GABRR1: variants seen among roughly 807,000 people sequenced by gnomAD.
GABRR1 encodes the protein gamma-aminobutyric acid type A receptor subunit rho1.
A neutral mutation model predicts 55.5 loss-of-function variants in GABRR1; 59 were observed. That is an observed-to-expected ratio of 1.06 (90% CI 0.86 to 1.32). GABRR1 has a LOEUF of 1.32. Among genes scored for constraint, GABRR1 ranks in the 40% most tolerant of loss-of-function variants. The pLI is 0.00. For missense variants in GABRR1, 602 were observed against 619.1 expected (o/e 0.97, Z 0.29); for synonymous variants, 213 against 226.0 (o/e 0.94, Z 0.51).
chr6:89,194,080 A>T (rs1035554298), intron 5 of GABRR1, among the ~76,000 whole-genome samples: 1 of 152,198 alleles, frequency 6.6e-6, no homozygotes, highest in East Asian at 1.9e-4. Context: ...GATTGCCTGA[A>T]GGGAGAAATA....
At chr6:89,216,801 T>G (rs1772994445) in intron 1 of GABRR1, among the ~76,000 whole-genome samples, 1 of 152,188 alleles carries the variant, frequency 6.6e-6, no homozygotes, top group Admixed American at 6.5e-5. Flanking sequence ...CAGAAATAAT[T>G]AGAGCAGAAT....
intron 1 of GABRR1, among the ~76,000 whole-genome samples, chr6:89,215,600 CAT>C (rs200783581): frequency 1.3e-5 from 2 of 152,090 alleles, no homozygotes; most frequent in East Asian, 3.9e-4. Flanking sequence ...TTTTTTGAGA[CAT>C]ATTGCACAGC....
At position 89,178,686 on chromosome 6, in the gene GABRR1, C is replaced by A. The variant is rs75384555; in HGVS notation, c.*84G>T. The A allele has an allele frequency of 4.5e-3, 5,622 of 1,248,004 alleles. 89 individuals carry two copies. In the East Asian group the frequency reaches 0.045, roughly 10 times the overall value. The allele number at this position is 1,248,004 out of a possible 1,614,324, so 77.3% of individuals were successfully genotyped here. A position where few individuals can be genotyped will look rare whatever the true frequency, so the allele number is the denominator to read the frequency against. ...GGTGGGTCCTGGGATTTTTTTTTAA[C>A]CATATCCTTAAATACTTTTTCATTA... On this transcript the variant is annotated 3_prime_UTR_variant, in exon 10 of 10. Coordinates refer to ENST00000454853, the MANE Select transcript of GABRR1 (RefSeq NM_002042.5).
At chr6:89,202,322 C>T (rs1026100137) in intron 2 of GABRR1, among the ~76,000 whole-genome samples, 1 of 152,050 alleles carries the variant, frequency 6.6e-6, no homozygotes, top group Non-Finnish European at 1.5e-5. Context: ...GAGACAGTCT[C>T]ACTGTGTCAC....
At chr6:89,226,016 T>G (rs917189550) in intron 1 of GABRR1, among the ~76,000 whole-genome samples, 15 of 151,784 alleles carry the variant, frequency 9.9e-5, no homozygotes, top group South Asian at 2.1e-4. Flanking sequence ...TGATGGCCAG[T>G]GATGATGAGC....
chr6:89,187,855 G>A (rs1368141268), intron 6 of GABRR1, among the ~76,000 whole-genome samples: 1 of 152,134 alleles, frequency 6.6e-6, no homozygotes, highest in Non-Finnish European at 1.5e-5. Context: ...TGCATTCTGT[G>A]TATCCATTCA....
At chr6:89,196,958 C>T (rs994792796) in intron 5 of GABRR1, among the ~76,000 whole-genome samples, 4 of 152,018 alleles carry the variant, frequency 2.6e-5, no homozygotes, top group African/African-American at 9.7e-5. Context: ...CTCAACATGG[C>T]TTGGGGAAGG....
intron 5 of GABRR1, among the ~76,000 whole-genome samples, chr6:89,196,827 G>GA (rs1772296280): frequency 1.3e-5 from 1 of 74,818 alleles, no homozygotes; most frequent in South Asian, 4.2e-4. Flanking sequence ...AAGAAGGAAA[G>GA]AAAGAAAGAA....
chr6:89,201,957 C>T (rs1772488675), intron 2 of GABRR1, among the ~76,000 whole-genome samples: 1 of 152,086 alleles, frequency 6.6e-6, no homozygotes, highest in African/African-American at 2.4e-5. Flanking sequence ...TAAAGTGCCT[C>T]AGCCTTTTGA....
At chr6:89,221,699 T>C (rs983462899), upstream of GABRR1, among the ~76,000 whole-genome samples, 2 of 152,080 alleles carry the variant, frequency 1.3e-5, no homozygotes, top group African/African-American at 4.8e-5. Flanking sequence ...CGTGCACCAA[T>C]TTGGCTCTGA....
At chr6:89,209,538 G>A (rs921648354) in intron 1 of GABRR1, among the ~76,000 whole-genome samples, 6 of 152,168 alleles carry the variant, frequency 3.9e-5, no homozygotes, top group African/African-American at 1.4e-4. Context: ...TTCAGAATGT[G>A]AAATTGCGGA....
rs1772857559 is a variant in GABRR1, at chr6:89,212,464, T to G, written c.122+4737A>C. Among the ~76,000 whole-genome samples the G allele has an allele frequency of 1.3e-5, 2 of 151,938 alleles. 1 individual carries two copies. The highest frequency in any genetic ancestry group is 2.9e-5 in the Non-Finnish European group (2 of 68,002). ...AAATCTGCTGAGACCATTCAGCTCCTCTTCACCTTCAGAATAAACGTGAAT... is the reference window on the plus strand; with the variant it reads ...AAATCTGCTGAGACCATTCAGCTCCGCTTCACCTTCAGAATAAACGTGAAT... On this transcript the variant is annotated intron_variant, in intron 1 of 9. Coordinates refer to ENST00000454853, the MANE Select transcript of GABRR1 (RefSeq NM_002042.5).
upstream of GABRR1, among the ~76,000 whole-genome samples, chr6:89,220,213 G>A (rs1428224527): frequency 6.6e-6 from 1 of 152,164 alleles, no homozygotes; most frequent in Non-Finnish European, 1.5e-5. Context: ...TAGCTCCAGG[G>A]GCCAGGAGCC....
chr6:89,205,902 C>T (rs566361435), intron 1 of GABRR1, among the ~76,000 whole-genome samples: 2 of 151,712 alleles, frequency 1.3e-5, no homozygotes, highest in African/African-American at 4.9e-5. Flanking sequence ...CCCCGCCCCC[C>T]CATCTCTCAC....
At chr6:89,185,213 AC>A in intron 7 of GABRR1, 96 bp downstream of exon 7, 1 of 1,476,856 alleles carries the variant, frequency 6.8e-7, no homozygotes, top group Non-Finnish European at 9.3e-7. Context: ...GACACTGCTC[AC>A]CTGACGACCA....
At chr6:89,185,215 C>T in intron 7 of GABRR1, 95 bp downstream of exon 7, 1 of 1,503,314 alleles carries the variant, frequency 6.7e-7, no homozygotes, top group Non-Finnish European at 9.2e-7. Context: ...CACTGCTCAC[C>T]TGACGACCAA....
intron 1 of GABRR1, among the ~76,000 whole-genome samples, chr6:89,216,855 CAG>C (rs1378024254): frequency 1.3e-5 from 2 of 152,204 alleles, no homozygotes; most frequent in African/African-American, 2.4e-5. Context: ...TGAGAATTCA[CAG>C]AGTTGTTCTA....
chr6:89,224,279 A>G (rs909957644), intron 1 of GABRR1, among the ~76,000 whole-genome samples: 1 of 151,840 alleles, frequency 6.6e-6, no homozygotes, highest in African/African-American at 2.4e-5. Flanking sequence ...TTTAGTAGAG[A>G]CAGGGTTTCA....
chr6:89,209,271 T>A (rs1319831731), intron 1 of GABRR1, among the ~76,000 whole-genome samples: 3 of 152,154 alleles, frequency 2.0e-5, no homozygotes, highest in African/African-American at 7.2e-5. Context: ...TTATTTTTTT[T>A]AATTTAAAGC....
Sources: allele counts gnomAD v4.1 joint callset (sites outside exome capture counted in the v4.1 genomes callset), GRCh38; gene constraint gnomAD v4.1.1; transcripts MANE v1.5; gene names NCBI Gene and HGNC (gene_info 2026-07-23, HGNC 2026-07-21).